ZNF70: variants seen among roughly 807,000 people sequenced by gnomAD.
ZNF70 encodes zinc finger protein N27C7-1.
ZNF70 carries 18 observed loss-of-function variants against 37.7 expected under a neutral mutation model. That is an observed-to-expected ratio of 0.48 (90% CI 0.33 to 0.71). ZNF70 has a LOEUF of 0.71. Ranked by LOEUF, ZNF70 falls within the 30% of genes least tolerant of loss-of-function variation. The probability of loss-of-function intolerance (pLI) is 0.02; values close to 1 mark genes in which losing one functional copy is unlikely to be tolerated. For missense variants in ZNF70, 506 were observed against 568.6 expected (o/e 0.89, Z 1.12); for synonymous variants, 219 against 220.1 (o/e 0.99, Z 0.05).
chr22:23,744,053 G>A lies in ZNF70; in HGVS notation c.1088C>T (p.Pro363Leu). 1.9e-6 allele frequency: 3 copies of A among 1,614,228 alleles called. No homozygotes were observed. The highest frequency in any genetic ancestry group is 2.5e-6 in the Non-Finnish European group (3 of 1,180,040). The change falls in exon 2 of 2, where the codon CCC becomes CTC. Residue 363 changes from proline to leucine, a missense_variant. Coordinates refer to ENST00000341976, the MANE Select transcript of ZNF70 (RefSeq NM_021916.4). Reference sequence around the variant, plus strand: ...CTTGCCACACTGACAGCACTCGTAGGGCTTCTCACCGGTGTGGATGCGCTG... The same window carrying A: ...CTTGCCACACTGACAGCACTCGTAGAGCTTCTCACCGGTGTGGATGCGCTG... ...EHQRIHTGEK[P>L]YECCQCGKAF...
In ZNF70 at chr22:23,740,460, A is replaced by G. The variant is rs1213684126; in HGVS notation, c.*3340T>C. The G allele has an allele frequency of 6.6e-6, 1 of 152,122 alleles. No homozygotes were observed. The highest frequency in any genetic ancestry group is 1.5e-5 in the Non-Finnish European group (1 of 68,032). The allele number at this position is 152,122 out of a possible 1,614,324, so 9.4% of individuals were successfully genotyped here. ...ATCTAAATAGAATGAGAGAGTTTAA[A>G]AAAAAAAATCTAATAAGCTGGCTGG... is the stretch of plus-strand genomic sequence containing the variant. On this transcript the variant is annotated 3_prime_UTR_variant, in exon 2 of 2. Transcript: ENST00000341976.
Position 23,740,803 on chromosome 22 carries a change from T to C in ZNF70, c.*2997A>G, listed in dbSNP as rs1332490856. The C allele has an allele frequency of 6.6e-6, 1 of 150,804 alleles. No homozygotes were observed. Among genetic ancestry groups the C allele is most frequent in the African/African-American group, 2.4e-5 (1 of 40,962 alleles). The allele number at this position is 150,804 out of a possible 1,614,324, so 9.3% of individuals were successfully genotyped here. Reference sequence around the variant, plus strand: ...AAAACTAATAAAACAAGGAAAGAATTTGAACAGAGGGAATGAGGCTCTGGT... The same window carrying C: ...AAAACTAATAAAACAAGGAAAGAATCTGAACAGAGGGAATGAGGCTCTGGT... On this transcript the variant is annotated 3_prime_UTR_variant, in exon 2 of 2. Transcript: ENST00000341976.
chr22:23,743,851 C>A lies in ZNF70; in HGVS notation c.1290G>T (p.Gly430=), dbSNP rs910899933. 1 of 1,614,090 alleles carries A rather than the reference C, an allele frequency of 6.2e-7. No individual in the cohort carries two copies. The highest frequency in any genetic ancestry group is 8.5e-7 in the Non-Finnish European group (1 of 1,180,034). ...TCTGATGGCGAATCAGGTGCGAGCT[C>A]CCCCGGAAGGACTTGCCGCACAGAT... ...VCNLCGKSFR[G]SSHLIRHQKI... The change falls in exon 2 of 2, where the codon GGG becomes GGT. Residue 430 remains glycine, a synonymous_variant. Coordinates refer to ENST00000341976, the MANE Select transcript of ZNF70 (RefSeq NM_021916.4).
At position 23,740,786 on chromosome 22, in the gene ZNF70, T is replaced by C. The variant is rs1303843338; in HGVS notation, c.*3014A>G. The C allele has an allele frequency of 1.6e-5, 2 of 127,022 alleles. No individual in the cohort carries two copies. The highest frequency in any genetic ancestry group is 1.6e-4 in the Admixed American group (2 of 12,804). The allele number at this position is 127,022 out of a possible 1,614,324, so 7.9% of individuals were successfully genotyped here. A position where few individuals can be genotyped will look rare whatever the true frequency, so the allele number is the denominator to read the frequency against. On this transcript the variant is annotated 3_prime_UTR_variant, in exon 2 of 2. Coordinates refer to ENST00000341976, the MANE Select transcript of ZNF70 (RefSeq NM_021916.4). ...AAAAAAAAAAAAAAAAAAAAACTAA[T>C]AAAACAAGGAAAGAATTTGAACAGA... is the stretch of plus-strand genomic sequence containing the variant.
chr22:23,749,394 G>A (rs1186889386), intron 1 of ZNF70, among the ~76,000 whole-genome samples: 1 of 138,654 alleles, frequency 7.2e-6, no homozygotes, highest in Non-Finnish European at 1.5e-5. Flanking sequence ...CGGCCGTGGT[G>A]GCAGGTGCCT....
chr22:23,749,593 C>G (rs974317266), intron 1 of ZNF70, among the ~76,000 whole-genome samples: 2 of 150,528 alleles, frequency 1.3e-5, no homozygotes, highest in Non-Finnish European at 3.0e-5. Flanking sequence ...CGTGCCACAC[C>G]TGGCTAATTT....
rs147301611 is a variant in ZNF70 at position 23,748,661 on chromosome 22, C to T, written c.-80+2050G>A. ...CTGGGTTCAAGCAATTCTCCTGCCT[C>T]ACCCTCCTGAATAGCTGGGATTACA... On this transcript the variant is annotated intron_variant, in intron 1 of 1. Coordinates refer to ENST00000341976, the MANE Select transcript of ZNF70 (RefSeq NM_021916.4). Among the ~76,000 whole-genome samples the T allele has an allele frequency of 1.9e-3, 290 of 151,888 alleles. 1 individual carries two copies. The highest frequency in any genetic ancestry group is 6.8e-3 in the African/African-American group (282 of 41,406).
Position 23,739,195 on chromosome 22 carries a change from T to C in ZNF70, c.*4605A>G, listed in dbSNP as rs1420449544. The C allele has an allele frequency of 1.3e-5, 2 of 152,224 alleles. No homozygotes were observed. The highest frequency in any genetic ancestry group is 2.9e-5 in the Non-Finnish European group (2 of 68,050). 9.4% of individuals were successfully genotyped at this position (152,224 alleles called of 1,614,324 possible). Reference sequence around the variant, plus strand: ...TATATTCAGGCCCAAAGAAGTCCTATGGACACTTAGAAATGTTGACACCAC... The same window carrying C: ...TATATTCAGGCCCAAAGAAGTCCTACGGACACTTAGAAATGTTGACACCAC... On this transcript the variant is annotated 3_prime_UTR_variant, in exon 2 of 2. Coordinates refer to ENST00000341976, the MANE Select transcript of ZNF70 (RefSeq NM_021916.4).
Position 23,744,134 on chromosome 22 carries a change from T to A in ZNF70, c.1007A>T (p.Tyr336Phe). The A allele has an allele frequency of 6.2e-7, 1 of 1,614,030 alleles. No homozygotes were observed. Among genetic ancestry groups the A allele is most frequent in the Non-Finnish European group, 8.5e-7 (1 of 1,179,994 alleles). The change falls in exon 2 of 2, where the codon TAC (tyrosine) becomes TTC (phenylalanine). Residue 336 changes from tyrosine (Y) to phenylalanine (F), a missense_variant. Tyr to Phe is a conservative substitution (Grantham distance 22). Coordinates refer to ENST00000341976, the MANE Select transcript of ZNF70 (RefSeq NM_021916.4). ...HRKTHTGEKP[Y>F]KCQKCGKAFS... ...GGCTTTCCCACACTTCTGGCATTTG[T>A]AGGGCTTCTCGCCAGTGTGGGTCTT... is the stretch of plus-strand genomic sequence containing the variant.
rs1470421593 is a variant in ZNF70, at chr22:23,744,712, T to A, written c.429A>T (p.Arg143=). Residue 143 remains arginine (R), a synonymous_variant, in exon 2 of 2, where the codon CGA becomes CGT. Coordinates refer to ENST00000341976, the MANE Select transcript of ZNF70 (RefSeq NM_021916.4). ...TPQPAKPYAC[R]ECGKAFSQSS... ...TCTGGCTGAAGGCCTTCCCACACTC[T>A]CGACACGCATAGGGCTTGGCTGGTT... The A allele has an allele frequency of 1.2e-6, 2 of 1,614,064 alleles. No homozygotes were observed. The highest frequency in any genetic ancestry group is 1.3e-5 in the African/African-American group (1 of 74,922).
In ZNF70 at chr22:23,740,353, A is replaced by C. The variant is rs1268102686; in HGVS notation, c.*3447T>G. The stretch of plus-strand genomic sequence containing the variant: ...AAAGAAAAAAAAAGGTAGGACAACA[A>C]AAACAAAGAACAACTAAATTAAAAG... On this transcript the variant is annotated 3_prime_UTR_variant, in exon 2 of 2. Coordinates refer to ENST00000341976, the MANE Select transcript of ZNF70 (RefSeq NM_021916.4). 1 of 152,018 alleles carries C rather than the reference A, an allele frequency of 6.6e-6. No homozygotes were observed. Among genetic ancestry groups the C allele is most frequent in the East Asian group, 1.9e-4 (1 of 5,166 alleles). 9.4% of individuals were successfully genotyped at this position (152,018 alleles called of 1,614,324 possible).
rs1188191693 is a variant in ZNF70, at chr22:23,744,243, G to A, written c.898C>T (p.Arg300Trp). 7 of 1,608,436 alleles carry A rather than the reference G, an allele frequency of 4.4e-6. No individual in the cohort carries two copies. Among genetic ancestry groups the A allele is most frequent in the Middle Eastern group, 1.7e-4 (1 of 6,026 alleles). Reference sequence around the variant, plus strand: ...TATGGTTTCTTCCCAGTGTGGATCCGCTGGTGTCGGATGAGGTGTGACCTG... The same window carrying A: ...TATGGTTTCTTCCCAGTGTGGATCCACTGGTGTCGGATGAGGTGTGACCTG... ...CHRSHLIRHQ[R>W]IHTGKKPYKC... The change falls in exon 2 of 2, where the codon CGG becomes TGG. Residue 300 changes from arginine to tryptophan, a missense_variant. Coordinates refer to ENST00000341976, the MANE Select transcript of ZNF70 (RefSeq NM_021916.4).
chr22:23,746,201 CTTTTTTTTTTTTT>C (rs760293135), intron 1 of ZNF70, among the ~76,000 whole-genome samples: 30 of 114,236 alleles, frequency 2.6e-4, no homozygotes, highest in Admixed American at 4.1e-4. Context: ...TGGTGGTTCC[CTTTTTTTTTTTTT>C]TTTTTTTTTT....
Position 23,744,297 on chromosome 22 carries a change from A to T in ZNF70, c.844T>A (p.Cys282Ser). 1 of 1,613,748 alleles carries T rather than the reference A, an allele frequency of 6.2e-7. No individual in the cohort carries two copies. The highest frequency in any genetic ancestry group is 8.5e-7 in the Non-Finnish European group (1 of 1,179,942). Residue 282 changes from cysteine (C) to serine (S), a missense_variant, in exon 2 of 2, where the codon TGC becomes AGC. By Grantham distance (112) the Cys-to-Ser change is moderately radical (BLOSUM62 -1). Coordinates refer to ENST00000341976, the MANE Select transcript of ZNF70 (RefSeq NM_021916.4). Reference sequence around the variant, plus strand: ...CAAAAGGCTTTCCCACAGAGATCGCACTCGTGAGGTTTCTTTAGGGTGTGG... The same window carrying T: ...CAAAAGGCTTTCCCACAGAGATCGCTCTCGTGAGGTTTCTTTAGGGTGTGG... ...KIHTLKKPHE[C>S]DLCGKAFCHR... is the part of the protein sequence containing the mutation.
intron 1 of ZNF70, among the ~76,000 whole-genome samples, chr22:23,747,376 A>G (rs1287367813): frequency 6.6e-6 from 1 of 152,024 alleles, no homozygotes; most frequent in Non-Finnish European, 1.5e-5. Flanking sequence ...TTGGTTGTGC[A>G]CTCTTTATGA....
chr22:23,748,065 T>C (rs1369961958), intron 1 of ZNF70, among the ~76,000 whole-genome samples: 1 of 152,112 alleles, frequency 6.6e-6, no homozygotes, highest in East Asian at 1.9e-4. Flanking sequence ...TCATATTCAC[T>C]GAGCACCTAC....
In ZNF70 at chr22:23,743,910, T is replaced by C. The variant is rs1204244559; in HGVS notation, c.1231A>G (p.Lys411Glu). 1 of 1,613,046 alleles carries C rather than the reference T, an allele frequency of 6.2e-7. No individual in the cohort carries two copies. The highest frequency in any genetic ancestry group is 8.5e-7 in the Non-Finnish European group (1 of 1,179,160). The change falls in exon 2 of 2, where the codon AAA becomes GAA. Residue 411 changes from lysine to glutamate, a missense_variant. Transcript: ENST00000341976. ...RHRSALIEHY[K>E]THTREKPYVC... ...TAGGGCTTCTCTCTGGTGTGGGTTT[T>C]ATAGTGCTCAATGAGGGCTGACCGG...
chr22:23,745,584 C>T (rs894257001), intron 1 of ZNF70, among the ~76,000 whole-genome samples: 1 of 152,134 alleles, frequency 6.6e-6, no homozygotes, highest in African/African-American at 2.4e-5. Flanking sequence ...AGCCTGGTCA[C>T]ATGGTGAAAC....
In ZNF70 at chr22:23,744,859, G is replaced by C; in HGVS notation, c.282C>G (p.Thr94=). The C allele has an allele frequency of 6.2e-7, 1 of 1,614,224 alleles. No individual in the cohort carries two copies. Among genetic ancestry groups the C allele is most frequent in the Non-Finnish European group, 8.5e-7 (1 of 1,180,034 alleles). Residue 94 remains threonine (T), a synonymous_variant, in exon 2 of 2, where the codon ACC becomes ACG. Coordinates refer to ENST00000341976, the MANE Select transcript of ZNF70 (RefSeq NM_021916.4). ...RPQDDELFGQ[T]FLQKSDLSMC... ...TGCTGAGGTCGGATTTCTGGAGGAAGGTTTGTCCGAAGAGCTCATCATCCT... is the reference window on the plus strand; with the variant it reads ...TGCTGAGGTCGGATTTCTGGAGGAACGTTTGTCCGAAGAGCTCATCATCCT...
Sources: allele counts gnomAD v4.1 joint callset (sites outside exome capture counted in the v4.1 genomes callset), GRCh38; gene constraint gnomAD v4.1.1; transcripts MANE v1.5; gene names NCBI Gene and HGNC (gene_info 2026-07-23, HGNC 2026-07-21).